DOCK3: variants seen among roughly 807,000 people sequenced by gnomAD.
DOCK3 encodes the protein dedicator of cytokinesis 3.
Under a neutral mutation model 265.6 loss-of-function variants are expected in DOCK3, and 60 were observed. The observed-to-expected ratio is 0.23, with a 90% CI of 0.18 to 0.28. The LOEUF is 0.28. Among genes scored for constraint, DOCK3 ranks in the 10% least tolerant of loss-of-function variants. DOCK3 has a pLI of 1.00. For synonymous variants in DOCK3, 881 were observed against 938.0 expected (o/e 0.94, Z 1.11); for missense variants, 1,981 against 2,594.3 (o/e 0.76, Z 5.14).
At chr3:51,084,305 A>C (rs996832298) in intron 7 of DOCK3, among the ~76,000 whole-genome samples, 1 of 152,204 alleles carries the variant, frequency 6.6e-6, no homozygotes, top group Non-Finnish European at 1.5e-5. Flanking sequence ...ACTATTAAAA[A>C]TCAAAGACAA....
chr3:50,964,216 A>C (rs2108412005), intron 5 of DOCK3, among the ~76,000 whole-genome samples: 1 of 151,996 alleles, frequency 6.6e-6, no homozygotes, highest in African/African-American at 2.4e-5. Flanking sequence ...ACTATTTCCA[A>C]ATGGTTTAAC....
chr3:50,984,662 A>T (rs2077827428), intron 5 of DOCK3, among the ~76,000 whole-genome samples: 1 of 152,180 alleles, frequency 6.6e-6, no homozygotes, highest in Non-Finnish European at 1.5e-5. Flanking sequence ...CTTCAGACTG[A>T]AAGGGACTCC....
chr3:51,074,112 A>G (rs994036742), intron 6 of DOCK3, among the ~76,000 whole-genome samples: 2 of 152,222 alleles, frequency 1.3e-5, no homozygotes, highest in Non-Finnish European at 2.9e-5. Flanking sequence ...TTTCTTCTCT[A>G]TAATCCCATG....
chr3:51,341,335 C>A lies in DOCK3; in HGVS notation c.3865C>A (p.Arg1289=), dbSNP rs747448962. 7 of 1,613,206 alleles carry A rather than the reference C, an allele frequency of 4.3e-6. No individual in the cohort carries two copies. In the East Asian group the frequency reaches 1.3e-4, roughly 31 times the overall value. The change falls in exon 38 of 53, where the codon CGG becomes AGG. Residue 1289 remains arginine (R), a synonymous_variant. Transcript: ENST00000266037. Reference sequence around the variant, plus strand: ...CTACCCATCGCAGACAGAGTGGCAGCGGAAGGAGGGACTGTGCCGGAAGAT... The same window carrying A: ...CTACCCATCGCAGACAGAGTGGCAGAGGAAGGAGGGACTGTGCCGGAAGAT... ...LHYPSQTEWQ[R]KEGLCRKIIH... is the part of the protein sequence containing the mutation.
At chr3:50,685,590 A>C (rs2034737097) in intron 1 of DOCK3, 1 of 156,846 alleles carries the variant, frequency 6.4e-6, no homozygotes, top group African/African-American at 2.4e-5. Context: ...TTCTCATCAG[A>C]TCTCCTTGTA....
intron 3 of DOCK3, among the ~76,000 whole-genome samples, chr3:50,883,311 C>CA (rs2048152280): frequency 6.6e-6 from 1 of 151,874 alleles, no homozygotes; most frequent in Non-Finnish European, 1.5e-5. Flanking sequence ...GGCAAATAAT[C>CA]ACGCACAAGG....
intron 9 of DOCK3, among the ~76,000 whole-genome samples, chr3:51,094,884 G>T (rs1279112258): frequency 6.6e-6 from 1 of 151,494 alleles, no homozygotes; most frequent in Non-Finnish European, 1.5e-5. Context: ...AGGATAGTTA[G>T]CTCTTCTTGT....
At chr3:51,327,933 C>G (rs2084256056) in intron 32 of DOCK3, among the ~76,000 whole-genome samples, 1 of 152,104 alleles carries the variant, frequency 6.6e-6, no homozygotes, top group Non-Finnish European at 1.5e-5. Context: ...CTGCCCGCCT[C>G]AGCCTTCCAA....
At chr3:51,091,310 AGTGT>A (rs1334886295) in intron 9 of DOCK3, among the ~76,000 whole-genome samples, 2 of 152,046 alleles carry the variant, frequency 1.3e-5, no homozygotes, top group Non-Finnish European at 2.9e-5. Context: ...TGTGTGTGAG[AGTGT>A]GTATGTGTGT....
At chr3:50,724,244 A>G (rs1199469506) in intron 1 of DOCK3, among the ~76,000 whole-genome samples, 1 of 152,204 alleles carries the variant, frequency 6.6e-6, no homozygotes, top group Non-Finnish European at 1.5e-5. Flanking sequence ...TACACTGTTG[A>G]TGGGAGTGTA....
chr3:51,332,817 ACTC>A (rs2084615852), intron 33 of DOCK3, among the ~76,000 whole-genome samples, 181 bp from the exon 34 acceptor site: 1 of 152,026 alleles, frequency 6.6e-6, no homozygotes, highest in African/African-American at 2.4e-5. Flanking sequence ...GACCTCAACT[ACTC>A]CTTTAGAACA....
chr3:50,761,172 T>C (rs2040509377), intron 1 of DOCK3, among the ~76,000 whole-genome samples: 1 of 152,158 alleles, frequency 6.6e-6, no homozygotes, highest in Non-Finnish European at 1.5e-5. Context: ...CTTTTACTTT[T>C]ATTATTTTTT....
intron 2 of DOCK3, among the ~76,000 whole-genome samples, chr3:50,817,326 C>A (rs182908648): frequency 2.0e-5 from 3 of 152,296 alleles, no homozygotes; most frequent in African/African-American, 7.2e-5. Flanking sequence ...TTTTACCCAG[C>A]TCCTATTTAA....
chr3:51,295,782 G>T lies in DOCK3; in HGVS notation c.2923-14450G>T, dbSNP rs918657726. On this transcript the variant is annotated intron_variant, in intron 27 of 52. Transcript: ENST00000266037. The stretch of plus-strand genomic sequence containing the variant: ...TCTAGCTGGGGCAATAAGGCGTTGG[G>T]GGGTGGGGGGTAACCCTTCAGATTA... 3.9e-5 allele frequency among the ~76,000 whole-genome samples: 6 copies of T among 152,172 alleles called. No individual in the cohort carries two copies. The South Asian group carries it at 1.2e-3, about 32-fold the overall frequency.
chr3:51,060,354 C>G (rs890642222), intron 5 of DOCK3, among the ~76,000 whole-genome samples: 2 of 152,090 alleles, frequency 1.3e-5, no homozygotes, highest in African/African-American at 4.8e-5. Flanking sequence ...TGCCTGTTCA[C>G]TCTGATGGTA....
At chr3:50,974,424 T>A (rs1290860041) in intron 5 of DOCK3, among the ~76,000 whole-genome samples, 4 of 152,150 alleles carry the variant, frequency 2.6e-5, no homozygotes, top group South Asian at 2.1e-4. Flanking sequence ...TGTTTTTCTC[T>A]GGTTTGTCAA....
chr3:50,707,756 C>T (rs1433500482), intron 1 of DOCK3, among the ~76,000 whole-genome samples: 1 of 151,914 alleles, frequency 6.6e-6, no homozygotes. Context: ...TGGGCATTGC[C>T]ATATGCCCCT....
In DOCK3 at chr3:50,739,107, CAT is replaced by C. The variant is rs1259172208; in HGVS notation, c.38-39565_38-39564del. ...GATTTAGGTATAATAGATTTAAAAA[CAT>C]ATTCTCTAATCTACTAGTTTCCTGT... On this transcript the variant is annotated intron_variant, in intron 1 of 52. Transcript: ENST00000266037. Among the ~76,000 whole-genome samples the C allele has an allele frequency of 2.6e-5, 4 of 152,058 alleles. No individual in the cohort carries two copies. In the East Asian group the frequency reaches 7.7e-4, roughly 29 times the overall value.
At chr3:51,364,059 C>CA (rs1263159767) in intron 49 of DOCK3, among the ~76,000 whole-genome samples, 1 of 152,240 alleles carries the variant, frequency 6.6e-6, no homozygotes, top group Non-Finnish European at 1.5e-5. Context: ...GAGGAATCTC[C>CA]ACACTGTCTT....
Sources: gnomAD v4.1 joint callset for allele counts (sites outside exome capture counted in the v4.1 genomes callset) on GRCh38, gnomAD v4.1.1 for gene constraint, MANE v1.5 for transcripts, NCBI Gene and HGNC (gene_info 2026-07-23, HGNC 2026-07-21) for gene names.